The following AKAP6 variants were observed in gnomAD, a reference collection of about 807,000 sequenced individuals.
The protein encoded by AKAP6 is A-kinase anchor protein 6.
Under a neutral mutation model 188.5 loss-of-function variants are expected in AKAP6, and 58 were observed. The observed-to-expected ratio is 0.31, with a 90% CI of 0.25 to 0.38. AKAP6 has a LOEUF of 0.38. Among genes scored for constraint, AKAP6 ranks in the 10% least tolerant of loss-of-function variants. AKAP6 has a pLI of 1.00. For synonymous variants in AKAP6, 989 were observed against 998.6 expected (o/e 0.99, Z 0.18); for missense variants, 2,710 against 2,740.0 (o/e 0.99, Z 0.24).
intron 4 of AKAP6, among the ~76,000 whole-genome samples, chr14:32,559,744 T>A (rs1010441825): frequency 6.6e-6 from 1 of 151,446 alleles, no homozygotes; most frequent in African/African-American, 2.4e-5. Context: ...GCAATTGTAA[T>A]GTACAGTTGC....
chr14:32,613,434 C>A lies in AKAP6; in HGVS notation c.2730+12642C>A, dbSNP rs552049040. Among the ~76,000 whole-genome samples, 3 of 152,294 alleles carry A rather than the reference C, an allele frequency of 2.0e-5. No individual in the cohort carries two copies. In the East Asian group the frequency reaches 5.8e-4, roughly 29 times the overall value. ...TTTGAACTTTCAGTGTTTAAACCTT[C>A]TGAAGTTTATTCATAACTTGAGGGG... On this transcript the variant is annotated intron_variant, in intron 7 of 13. Coordinates refer to ENST00000280979, the MANE Select transcript of AKAP6 (RefSeq NM_004274.5).
At chr14:32,580,881 C>T (rs1159355057) in intron 5 of AKAP6, among the ~76,000 whole-genome samples, 1 of 152,168 alleles carries the variant, frequency 6.6e-6, no homozygotes, top group Non-Finnish European at 1.5e-5. Context: ...AGAACATGAA[C>T]TCATCATTTT....
At chr14:32,735,530 C>G in intron 10 of AKAP6, 128 bp from the exon 11 acceptor site, 1 of 663,688 alleles carries the variant, frequency 1.5e-6, no homozygotes, top group East Asian at 2.7e-5. Context: ...CCAGGTGGCT[C>G]TCGTTACCAA....
At chr14:32,349,180 T>G (rs1344864370) in intron 1 of AKAP6, among the ~76,000 whole-genome samples, 4 of 152,224 alleles carry the variant, frequency 2.6e-5, no homozygotes, top group Non-Finnish European at 5.9e-5. Flanking sequence ...GCAATGACAT[T>G]GTAGTATTTC....
intron 2 of AKAP6, among the ~76,000 whole-genome samples, chr14:32,462,344 C>T (rs1891356624): frequency 6.6e-6 from 1 of 152,082 alleles, no homozygotes. Context: ...GGTCAGGTTA[C>T]CTACAAAGGG....
At chr14:32,651,323 C>T (rs530214352) in intron 7 of AKAP6, among the ~76,000 whole-genome samples, 19 of 152,270 alleles carry the variant, frequency 1.2e-4, no homozygotes, top group Admixed American at 3.3e-4. Flanking sequence ...AGGTTCATCA[C>T]TCTTCTAAAT....
chr14:32,446,231 ACT>A (rs1204436104), intron 2 of AKAP6, among the ~76,000 whole-genome samples: 1 of 152,180 alleles, frequency 6.6e-6, no homozygotes, highest in Admixed American at 6.5e-5. Context: ...AATGGCAAAA[ACT>A]ATTTGTTAAA....
chr14:32,529,921 T>C (rs1390201553), intron 2 of AKAP6, among the ~76,000 whole-genome samples: 2 of 151,530 alleles, frequency 1.3e-5, no homozygotes, highest in Non-Finnish European at 2.9e-5. Flanking sequence ...TAGCTTTCTG[T>C]AATAAACACA....
intron 1 of AKAP6, among the ~76,000 whole-genome samples, chr14:32,414,358 T>C (rs1222973908): frequency 6.6e-6 from 1 of 152,182 alleles, no homozygotes; most frequent in African/African-American, 2.4e-5. Flanking sequence ...GAAGACTCCT[T>C]GGAACTAATG....
intron 2 of AKAP6, among the ~76,000 whole-genome samples, chr14:32,525,371 A>C (rs1882068581): frequency 6.6e-6 from 1 of 152,258 alleles, no homozygotes; most frequent in South Asian, 2.1e-4. Context: ...AAATTTTCAA[A>C]GCATGGAAAG....
chr14:32,587,918 G>A (rs922262086), intron 5 of AKAP6, among the ~76,000 whole-genome samples: 1 of 152,158 alleles, frequency 6.6e-6, no homozygotes, highest in African/African-American at 2.4e-5. Flanking sequence ...TGGAAAAGAA[G>A]GGGCAAATGT....
chr14:32,443,148 T>C (rs11156745), intron 2 of AKAP6, among the ~76,000 whole-genome samples: 110,091 of 151,980 alleles, frequency 0.72, 40,790 homozygotes, highest in African/African-American at 0.87. Context: ...GTAATCCCAG[T>C]ACTTTGGGCG....
intron 12 of AKAP6, among the ~76,000 whole-genome samples, chr14:32,820,998 T>C (rs922784257): frequency 6.6e-6 from 1 of 152,098 alleles, no homozygotes; most frequent in African/African-American, 2.4e-5. Flanking sequence ...TACTATGGAC[T>C]CCAGAACTGA....
intron 5 of AKAP6, among the ~76,000 whole-genome samples, chr14:32,593,833 A>G (rs1259739972): frequency 6.6e-6 from 1 of 152,066 alleles, no homozygotes; most frequent in Non-Finnish European, 1.5e-5. Flanking sequence ...GCTCTTCCCC[A>G]TGTCTCATAC....
At chr14:32,366,606 G>A (rs140413231) in intron 1 of AKAP6, among the ~76,000 whole-genome samples, 318 of 152,240 alleles carry the variant, frequency 2.1e-3, no homozygotes, top group Middle Eastern at 6.8e-3. Context: ...ACTTTAACTG[G>A]CATTGCATAT....
Position 32,510,429 on chromosome 14 carries a change from T to TATATGTATATATATAC in AKAP6, c.325-25121_325-25120insGTATATATATACATAT, listed in dbSNP as rs1566546653. Among the ~76,000 whole-genome samples, 12 of 93,904 alleles carry TATATGTATATATATAC rather than the reference T, an allele frequency of 1.3e-4. 1 individual carries two copies. The highest frequency in any genetic ancestry group is 2.3e-4 in the Non-Finnish European group (11 of 48,578). The allele number at this position is 93,904 out of a possible 152,430, so 61.6% of individuals were successfully genotyped here. On this transcript the variant is annotated intron_variant, in intron 2 of 13. Transcript: ENST00000280979. ...GTATATATATGTATATATATACATA[T>TATATGTATATATATAC]ATATATGTGTATATATATATACATA... is the stretch of plus-strand genomic sequence containing the variant.
At chr14:32,515,773 G>A (rs963176209) in intron 2 of AKAP6, among the ~76,000 whole-genome samples, 19 of 152,000 alleles carry the variant, frequency 1.3e-4, no homozygotes, top group Non-Finnish European at 2.5e-4. Context: ...TGAAGCTTTC[G>A]TTTCATGGTT....
In AKAP6 at chr14:32,545,901, T is replaced by G; in HGVS notation, c.1248T>G (p.Asp416Glu). The G allele has an allele frequency of 6.2e-7, 1 of 1,614,210 alleles. No homozygotes were observed. ...ATGGTGGAAAGAGGCAAATGGTTGATCTAAAGCCTGAGATGAGCAGAAGCA... is the reference window on the plus strand; with the variant it reads ...ATGGTGGAAAGAGGCAAATGGTTGAGCTAAAGCCTGAGATGAGCAGAAGCA... ...KGNGGKRQMV[D>E]LKPEMSRSTP... The change falls in exon 4 of 14, where the codon GAT becomes GAG. Residue 416 changes from aspartate to glutamate, a missense_variant. Physicochemically the swap from Asp to Glu is conservative, Grantham distance 45. Coordinates refer to ENST00000280979, the MANE Select transcript of AKAP6 (RefSeq NM_004274.5).
intron 12 of AKAP6, among the ~76,000 whole-genome samples, chr14:32,791,401 C>T (rs570704663): frequency 1.3e-5 from 2 of 152,234 alleles, no homozygotes; most frequent in Admixed American, 1.3e-4. Flanking sequence ...TGTTTGTTGG[C>T]TGCATAAATG....
Sources: gnomAD v4.1 joint callset for allele counts (sites outside exome capture counted in the v4.1 genomes callset) on GRCh38, gnomAD v4.1.1 for gene constraint, MANE v1.5 for transcripts, NCBI Gene and HGNC (gene_info 2026-07-23, HGNC 2026-07-21) for gene names.